FRMD4A: variants seen among roughly 807,000 people sequenced by gnomAD.
The protein encoded by FRMD4A is FERM domain containing 4A.
A neutral mutation model predicts 129.1 loss-of-function variants in FRMD4A; 29 were observed. That is an observed-to-expected ratio of 0.22 (90% CI 0.17 to 0.31). The LOEUF (loss-of-function observed/expected upper bound fraction) is 0.31. FRMD4A is among the 10% of genes least tolerant of loss of function. The pLI is 1.00. For missense variants in FRMD4A, 1,272 were observed against 1,375.8 expected, an observed-to-expected ratio of 0.92 and a Z score of 1.19; for synonymous variants, 634 against 571.6, an observed-to-expected ratio of 1.11 and a Z score of -1.56.
chr10:13,850,903 T>C (rs1261337018), intron 3 of FRMD4A, among the ~76,000 whole-genome samples: 1 of 152,260 alleles, frequency 6.6e-6, no homozygotes, highest in South Asian at 2.1e-4. Context: ...AAATAAGATA[T>C]GCTCCATATA....
intron 2 of FRMD4A, among the ~76,000 whole-genome samples, chr10:14,251,510 T>C (rs57544528): frequency 0.013 from 2,050 of 152,238 alleles, 49 homozygotes; most frequent in African/African-American, 0.047. Flanking sequence ...GCAGAAGTGT[T>C]TTGCTAAGCT....
rs12260021 is a variant in FRMD4A, at chr10:13,796,734, T to C, written c.207-146A>G. ...TTTTAATTTTTTTTTAGTTTTTATTTTTTTGAGACTAAGTCTTGCTCTGTG... is the reference window on the plus strand; with the variant it reads ...TTTTAATTTTTTTTTAGTTTTTATTCTTTTGAGACTAAGTCTTGCTCTGTG... On this transcript the variant is annotated intron_variant, in intron 4 of 24. Coordinates refer to ENST00000357447, the MANE Select transcript of FRMD4A (RefSeq NM_018027.5). The C allele has an allele frequency of 1.4e-3, 744 of 537,498 alleles. 5 individuals carry two copies. Among genetic ancestry groups the C allele is most frequent in the African/African-American group, 0.013 (686 of 52,436 alleles). 33.3% of individuals were successfully genotyped at this position (537,498 alleles called of 1,614,324 possible). A position where few individuals can be genotyped will look rare whatever the true frequency, so the allele number is the denominator to read the frequency against.
At chr10:13,651,683 A>G (rs1401634621) in intron 24 of FRMD4A, 2 of 556,852 alleles carry the variant, frequency 3.6e-6, no homozygotes, top group Non-Finnish European at 6.4e-6. Flanking sequence ...AAAACAAAAC[A>G]TACTCTGGGG....
At chr10:13,774,339 G>T (rs1191281468) in intron 6 of FRMD4A, among the ~76,000 whole-genome samples, 1 of 152,184 alleles carries the variant, frequency 6.6e-6, no homozygotes, top group Non-Finnish European at 1.5e-5. Flanking sequence ...AGGTAGGAAG[G>T]CAGTGTTCAC....
intron 2 of FRMD4A, among the ~76,000 whole-genome samples, chr10:14,178,616 G>A (rs554699453): frequency 4.1e-4 from 63 of 152,250 alleles, no homozygotes; most frequent in East Asian, 5.8e-4. Flanking sequence ...ATAAATGTCC[G>A]TGAAGAATAA....
intron 2 of FRMD4A, among the ~76,000 whole-genome samples, chr10:14,105,274 T>C (rs1389050802): frequency 6.6e-6 from 1 of 152,100 alleles, no homozygotes; most frequent in Non-Finnish European, 1.5e-5. Flanking sequence ...TAAAATAAAG[T>C]TTGTTAGATG....
intron 2 of FRMD4A, among the ~76,000 whole-genome samples, chr10:14,229,952 T>C (rs905807568): frequency 3.9e-5 from 6 of 152,234 alleles, no homozygotes; most frequent in African/African-American, 1.4e-4. Flanking sequence ...GTTGAGTTCA[T>C]GCCCTTTGAG....
At chr10:14,324,852 G>A (rs2132125428) in intron 2 of FRMD4A, among the ~76,000 whole-genome samples, 1 of 152,102 alleles carries the variant, frequency 6.6e-6, no homozygotes, top group East Asian at 1.9e-4. Context: ...GTAGAGATGG[G>A]GTTTCACCAT....
intron 15 of FRMD4A, among the ~76,000 whole-genome samples, chr10:13,688,248 C>T (rs543725914): frequency 6.6e-6 from 1 of 152,208 alleles, no homozygotes; most frequent in South Asian, 2.1e-4. Context: ...TTTGTAGGGA[C>T]ATGGATGAAA....
intron 2 of FRMD4A, among the ~76,000 whole-genome samples, chr10:13,884,216 A>ACTCACACACACACTCTCACACACACACT (rs1554956601): frequency 8.0e-6 from 1 of 125,644 alleles, no homozygotes; most frequent in South Asian, 3.0e-4. Flanking sequence ...ACTCACACAC[A>ACTCACACACACACTCTCACACACACACT]CACACACACA....
At chr10:13,772,195 A>AATAAATATTTATTTATTATTATTAT (rs1386973258) in intron 6 of FRMD4A, among the ~76,000 whole-genome samples, 13 of 66,346 alleles carry the variant, frequency 2.0e-4, no homozygotes, top group South Asian at 1.3e-3. Flanking sequence ...ATTATTATAT[A>AATAAATATTTATTTATTATTATTAT]ATAATAAATA....
intron 5 of FRMD4A, among the ~76,000 whole-genome samples, chr10:13,791,113 A>G (rs2092990426): frequency 2.0e-5 from 3 of 152,132 alleles, no homozygotes; most frequent in Non-Finnish European, 4.4e-5. Flanking sequence ...AGATACAATT[A>G]AGTTTGTGGA....
chr10:14,276,025 A>G (rs541588473), intron 2 of FRMD4A, among the ~76,000 whole-genome samples: 9 of 152,164 alleles, frequency 5.9e-5, no homozygotes, highest in Admixed American at 1.3e-4. Flanking sequence ...ACAACAAGGA[A>G]AGACCTTGTC....
chr10:14,165,323 A>G (rs1362187689), intron 2 of FRMD4A, among the ~76,000 whole-genome samples: 1 of 152,174 alleles, frequency 6.6e-6, no homozygotes, highest in Non-Finnish European at 1.5e-5. Flanking sequence ...AGCCATCCAT[A>G]CCAATCAGAA....
At chr10:13,689,055 C>A (rs2085383033) in intron 15 of FRMD4A, among the ~76,000 whole-genome samples, 1 of 151,946 alleles carries the variant, frequency 6.6e-6, no homozygotes, top group African/African-American at 2.4e-5. Flanking sequence ...GCATCTGAGG[C>A]CTCAGATACC....
At chr10:13,803,305 G>C (rs2093294682) in intron 4 of FRMD4A, among the ~76,000 whole-genome samples, 1 of 152,154 alleles carries the variant, frequency 6.6e-6, no homozygotes, top group Admixed American at 6.5e-5. Flanking sequence ...CTATGTTTTA[G>C]TAAGCCTATT....
intron 2 of FRMD4A, among the ~76,000 whole-genome samples, chr10:13,861,886 C>T (rs1258364138): frequency 1.3e-5 from 2 of 152,194 alleles, no homozygotes; most frequent in Admixed American, 1.3e-4. Flanking sequence ...GCTGCTTTAC[C>T]AAAATGTATA....
intron 5 of FRMD4A, among the ~76,000 whole-genome samples, chr10:13,795,372 C>T (rs576613028): frequency 6.6e-6 from 1 of 152,272 alleles, no homozygotes; most frequent in Non-Finnish European, 1.5e-5. Flanking sequence ...AAATCAAAAA[C>T]GCATTAAGCG....
At chr10:13,704,746 C>G (rs773278046) in intron 13 of FRMD4A, among the ~76,000 whole-genome samples, 1 of 151,688 alleles carries the variant, frequency 6.6e-6, no homozygotes, top group Non-Finnish European at 1.5e-5. Context: ...GAGCAGGTTT[C>G]TTTGTTTCTT....
Sources: allele counts gnomAD v4.1 joint callset (sites outside exome capture counted in the v4.1 genomes callset), GRCh38; gene constraint gnomAD v4.1.1; transcripts MANE v1.5; gene names NCBI Gene and HGNC (gene_info 2026-07-23, HGNC 2026-07-21).